ACSS1: variants seen among roughly 807,000 people sequenced by gnomAD.
ACSS1 encodes acyl-CoA synthetase short chain family member 1.
A neutral mutation model predicts 75.3 loss-of-function variants in ACSS1; 42 were observed. The ratio of observed to expected loss-of-function variants is 0.56; its 90% CI spans 0.44 to 0.72. The LOEUF is 0.72. Ranked by LOEUF, ACSS1 falls within the 30% of genes least tolerant of loss-of-function variation. The probability of loss-of-function intolerance (pLI) is 0.00; values close to 1 mark genes in which losing one functional copy is unlikely to be tolerated. For missense variants in ACSS1, 782 were observed against 935.7 expected (o/e 0.84, Z 2.14); for synonymous variants, 380 against 376.8 (o/e 1.01, Z -0.10).
intron 13 of ACSS1, among the ~76,000 whole-genome samples, chr20:25,008,861 G>A (rs1241722028): frequency 1.3e-5 from 2 of 152,216 alleles, no homozygotes; most frequent in Non-Finnish European, 2.9e-5. Context: ...GCAGAAGCCT[G>A]CCTAGGTGAC....
chr20:25,039,065 C>T (rs1357151900), intron 2 of ACSS1, among the ~76,000 whole-genome samples: 3 of 152,156 alleles, frequency 2.0e-5, no homozygotes, highest in African/African-American at 7.2e-5. Context: ...AAGGACAGAA[C>T]AGCTATCAAG....
In ACSS1 at chr20:25,031,110, A is replaced by G. The variant is rs143904917; in HGVS notation, c.432-152T>C. The G allele has an allele frequency of 7.6e-4, 606 of 798,522 alleles. 1 individual carries two copies. The African/African-American group carries it at 9.5e-3, about 13-fold the overall frequency. 49.5% of individuals were successfully genotyped at this position (798,522 alleles called of 1,614,324 possible). Reference sequence around the variant, plus strand: ...CTTGAATACTTAATGCATGGAAAGTACTTTTCCAGAAAAAGAAAAGTTTTT... The same window carrying G: ...CTTGAATACTTAATGCATGGAAAGTGCTTTTCCAGAAAAAGAAAAGTTTTT... On this transcript the variant is annotated intron_variant, in intron 2 of 13. Coordinates refer to ENST00000323482, the MANE Select transcript of ACSS1 (RefSeq NM_032501.4).
At chr20:25,039,536 T>TC (rs1324013974) in intron 2 of ACSS1, among the ~76,000 whole-genome samples, 3 of 152,196 alleles carry the variant, frequency 2.0e-5, no homozygotes, top group Non-Finnish European at 4.4e-5. Context: ...TTTCTTCTTG[T>TC]CCCCAGAATG....
intron 7 of ACSS1, among the ~76,000 whole-genome samples, chr20:25,017,064 C>T (rs925800043): frequency 1.3e-5 from 2 of 151,340 alleles, no homozygotes; most frequent in Admixed American, 6.6e-5. Flanking sequence ...ATGATCATGG[C>T]TCACTGCAAC....
chr20:25,037,727 G>A (rs1432979868), intron 2 of ACSS1, among the ~76,000 whole-genome samples: 1 of 152,230 alleles, frequency 6.6e-6, no homozygotes, highest in Admixed American at 6.5e-5. Flanking sequence ...GAAGCCTGGC[G>A]AGGCTGACCC....
Position 25,058,094 on chromosome 20 carries a change from C to T in ACSS1, c.9G>A (p.Ala3=). The T allele has an allele frequency of 8.0e-7, 1 of 1,251,720 alleles. No individual in the cohort carries two copies. Among genetic ancestry groups the T allele is most frequent in the Middle Eastern group, 3.1e-4 (1 of 3,206 alleles). 77.5% of individuals were successfully genotyped at this position (1,251,720 alleles called of 1,614,324 possible). A position where few individuals can be genotyped will look rare whatever the true frequency, so the allele number is the denominator to read the frequency against. ...TCCCGACGCCGCGGCCCAGGGTGCG[C>T]GCCGCCATCTAGGCAGGCTACCTGA... MA[A]RTLGRGVGRL... is the part of the protein sequence containing the mutation. The change falls in exon 1 of 14, where the codon GCG becomes GCA. Residue 3 remains alanine (A), a synonymous_variant. Coordinates refer to ENST00000323482, the MANE Select transcript of ACSS1 (RefSeq NM_032501.4).
intron 3 of ACSS1, among the ~76,000 whole-genome samples, chr20:25,028,891 G>T (rs1183348768): frequency 6.6e-6 from 1 of 151,788 alleles, no homozygotes; most frequent in Non-Finnish European, 1.5e-5. Context: ...CTGCACTCCA[G>T]CCTGGCAACA....
chr20:25,057,685 G>A lies in ACSS1; in HGVS notation c.334+84C>T, dbSNP rs1206708581. The A allele has an allele frequency of 3.6e-6, 5 of 1,380,512 alleles. No individual in the cohort carries two copies. In the East Asian group the frequency reaches 1.0e-4, roughly 28 times the overall value. 85.5% of individuals were successfully genotyped at this position (1,380,512 alleles called of 1,614,324 possible). On this transcript the variant is annotated intron_variant, in intron 1 of 13. Coordinates refer to ENST00000323482, the MANE Select transcript of ACSS1 (RefSeq NM_032501.4). ...CAGGGCTGCGATCCGCGCTGCCCGG[G>A]GACGGCTGCCGCTGGCGAGAGGCTC... is the stretch of plus-strand genomic sequence containing the variant.
chr20:25,057,688 C>A (rs1002237675), intron 1 of ACSS1, 81 bp downstream of exon 1: 14 of 1,382,856 alleles, frequency 1.0e-5, no homozygotes, highest in Non-Finnish European at 1.1e-5. Context: ...TGCCCGGGGA[C>A]GGCTGCCGCT....
At chr20:25,046,296 C>G (rs916953485) in intron 2 of ACSS1, 7 of 155,390 alleles carry the variant, frequency 4.5e-5, no homozygotes, top group Admixed American at 1.9e-4. Context: ...ATTTCAGTGT[C>G]ATGGACCTGA....
intron 2 of ACSS1, among the ~76,000 whole-genome samples, chr20:25,040,540 A>T (rs1262718902): frequency 1.3e-5 from 2 of 152,372 alleles, no homozygotes; most frequent in East Asian, 3.9e-4. Flanking sequence ...TCCAAAGAAC[A>T]GGAGGCTCCT....
intron 8 of ACSS1, among the ~76,000 whole-genome samples, chr20:25,014,784 G>C (rs1468168222): frequency 6.6e-6 from 1 of 152,156 alleles, no homozygotes; most frequent in Non-Finnish European, 1.5e-5. Context: ...GTTCAGAAAG[G>C]GGCACTAGGA....
At chr20:25,032,262 G>A in intron 2 of ACSS1, 5 of 1,038,144 alleles carry the variant, frequency 4.8e-6, no homozygotes, top group Non-Finnish European at 6.2e-6. Flanking sequence ...CATCTCTCTG[G>A]GCAAGCTGAT....
At chr20:25,013,430 G>A in intron 10 of ACSS1, 106 bp downstream of exon 10, 1 of 1,424,220 alleles carries the variant, frequency 7.0e-7, no homozygotes, top group Non-Finnish European at 9.3e-7. Flanking sequence ...CCTATTCCTG[G>A]CCACAGTGTT....
chr20:25,029,910 G>C (rs2088792286), intron 3 of ACSS1, among the ~76,000 whole-genome samples: 1 of 152,204 alleles, frequency 6.6e-6, no homozygotes, highest in Non-Finnish European at 1.5e-5. Flanking sequence ...AACCTTTGTA[G>C]AGTGCTTAGA....
intron 2 of ACSS1, among the ~76,000 whole-genome samples, chr20:25,038,604 C>T (rs1568844450): frequency 6.6e-6 from 1 of 152,188 alleles, no homozygotes; most frequent in African/African-American, 2.4e-5. Context: ...TCCGTGTCGC[C>T]GGCTCAGGGC....
chr20:25,055,461 G>A (rs369186405), intron 1 of ACSS1, among the ~76,000 whole-genome samples: 32 of 152,132 alleles, frequency 2.1e-4, no homozygotes, highest in African/African-American at 7.7e-4. Context: ...TGTTTAATAG[G>A]GCCAAGGCCA....
chr20:25,021,798 A>G (rs941797416), intron 5 of ACSS1, among the ~76,000 whole-genome samples: 2 of 152,236 alleles, frequency 1.3e-5, no homozygotes, highest in Non-Finnish European at 2.9e-5. Context: ...TAAAAGCAAA[A>G]AAGGCCAAGA....
At chr20:25,033,802 C>T (rs1273768229) in intron 2 of ACSS1, among the ~76,000 whole-genome samples, 3 of 152,192 alleles carry the variant, frequency 2.0e-5, no homozygotes, top group Non-Finnish European at 4.4e-5. Context: ...GGAGAGCTTT[C>T]TGGATAGATT....
Sources: allele counts gnomAD v4.1 joint callset (sites outside exome capture counted in the v4.1 genomes callset), GRCh38; gene constraint gnomAD v4.1.1; transcripts MANE v1.5; gene names NCBI Gene and HGNC (gene_info 2026-07-23, HGNC 2026-07-21).